Variants in NBAS observed in about 807,000 individuals in gnomAD.
NBAS encodes the protein NAG/BC035112 fusion.
A neutral mutation model predicts 302.5 loss-of-function variants in NBAS; 219 were observed. The observed-to-expected ratio is 0.72, with a 90% CI of 0.65 to 0.81. The LOEUF is 0.81. Ranked by LOEUF, NBAS falls within the 30% of genes least tolerant of loss-of-function variation. NBAS has a pLI of 0.00. For synonymous variants in NBAS, 1,118 were observed against 1,021.6 expected (o/e 1.09, Z -1.80); for missense variants, 2,932 against 2,841.6 (o/e 1.03, Z -0.72).
At chr2:15,434,779 T>G (rs968237334) in intron 21 of NBAS, among the ~76,000 whole-genome samples, 2 of 152,166 alleles carry the variant, frequency 1.3e-5, no homozygotes, top group African/African-American at 4.8e-5. Context: ...ATATTAAATG[T>G]GGTAACACGG....
At chr2:15,237,486 C>T (rs1667645839) in intron 45 of NBAS, among the ~76,000 whole-genome samples, 1 of 151,442 alleles carries the variant, frequency 6.6e-6, no homozygotes, top group Non-Finnish European at 1.5e-5. Context: ...ATACGTTTAA[C>T]AAAAATACAG....
the NBAS span, among the ~76,000 whole-genome samples, chr2:14,972,789 C>T: frequency 6.6e-6 from 1 of 152,234 alleles, no homozygotes; most frequent in South Asian, 2.1e-4. Context: ...GACTATGTTT[C>T]CTGTAATCTA....
intron 45 of NBAS, among the ~76,000 whole-genome samples, chr2:15,236,216 T>A (rs1472817018): frequency 1.3e-5 from 2 of 151,950 alleles, no homozygotes; most frequent in African/African-American, 2.4e-5. Flanking sequence ...AACAAACATG[T>A]TTTTTATCAA....
At chr2:14,849,607 C>A in the NBAS span, among the ~76,000 whole-genome samples, 1 of 145,960 alleles carries the variant, frequency 6.9e-6, no homozygotes, top group East Asian at 1.9e-4. Context: ...TCGAGAAGAG[C>A]AACTCCAAGA....
intron 44 of NBAS, among the ~76,000 whole-genome samples, chr2:15,267,395 A>C (rs1669126583): frequency 6.6e-6 from 1 of 151,660 alleles, no homozygotes; most frequent in Admixed American, 6.6e-5. Flanking sequence ...TATTTTGATC[A>C]AAAAAAAAGT....
At chr2:15,036,782 C>T in the NBAS span, among the ~76,000 whole-genome samples, 1 of 152,106 alleles carries the variant, frequency 6.6e-6, no homozygotes, top group Non-Finnish European at 1.5e-5. Flanking sequence ...ACATTACTCA[C>T]CCCCAGCTTG....
At chr2:15,486,531 C>A (rs1680633977) in intron 12 of NBAS, among the ~76,000 whole-genome samples, 1 of 152,142 alleles carries the variant, frequency 6.6e-6, no homozygotes, top group African/African-American at 2.4e-5. Context: ...TTCTTCCAGA[C>A]TCTCAGGGTA....
At chr2:15,305,510 G>A (rs921158413) in intron 40 of NBAS, among the ~76,000 whole-genome samples, 8 of 148,888 alleles carry the variant, frequency 5.4e-5, no homozygotes, top group Non-Finnish European at 1.0e-4. Flanking sequence ...GGAGTGCAAC[G>A]GCGCGATCTC....
chr2:15,070,879 T>C, the NBAS span, among the ~76,000 whole-genome samples: 1 of 152,196 alleles, frequency 6.6e-6, no homozygotes, highest in Non-Finnish European at 1.5e-5. Flanking sequence ...GAGCCCTTTA[T>C]CTCACAGCAG....
the NBAS span, among the ~76,000 whole-genome samples, chr2:15,138,039 A>T: frequency 6.6e-6 from 1 of 152,140 alleles, no homozygotes; most frequent in Non-Finnish European, 1.5e-5. Context: ...TCCAACACAC[A>T]ATACACGAGA....
At chr2:15,135,236 G>A in the NBAS span, among the ~76,000 whole-genome samples, 1 of 152,200 alleles carries the variant, frequency 6.6e-6, no homozygotes, top group Admixed American at 6.5e-5. Context: ...CTGGGGGGAG[G>A]CTGGGATGAG....
chr2:15,240,505 T>C (rs1667818333), intron 44 of NBAS, among the ~76,000 whole-genome samples: 1 of 150,228 alleles, frequency 6.7e-6, no homozygotes, highest in South Asian at 2.1e-4. Flanking sequence ...TAGTCCCAGC[T>C]ACTCAGGAGG....
chr2:15,049,311 C>A, the NBAS span, among the ~76,000 whole-genome samples: 3,621 of 152,324 alleles, frequency 0.024, 67 homozygotes, highest in Non-Finnish European at 0.035. Context: ...CTGGCTCCTG[C>A]CAGGCCTCCC....
At chr2:14,961,441 G>A in the NBAS span, among the ~76,000 whole-genome samples, 6 of 151,590 alleles carry the variant, frequency 4.0e-5, no homozygotes, top group South Asian at 2.1e-4. Flanking sequence ...TTTTTTTAAA[G>A]CTGGGCCCCC....
At chr2:15,515,865 G>T (rs545506406) in intron 9 of NBAS, among the ~76,000 whole-genome samples, 1 of 152,170 alleles carries the variant, frequency 6.6e-6, no homozygotes, top group African/African-American at 2.4e-5. Context: ...GCTGTGAATT[G>T]AAAGTCCACA....
At chr2:15,448,765 T>G (rs1678870669) in intron 21 of NBAS, among the ~76,000 whole-genome samples, 1 of 152,226 alleles carries the variant, frequency 6.6e-6, no homozygotes, top group Non-Finnish European at 1.5e-5. Context: ...TTTTTCTTCT[T>G]ATAAATGCAA....
At chr2:15,392,913 T>C (rs1175367869) in intron 28 of NBAS, among the ~76,000 whole-genome samples, 1 of 151,936 alleles carries the variant, frequency 6.6e-6, no homozygotes, top group Non-Finnish European at 1.5e-5. Flanking sequence ...GGAAGAAAGA[T>C]AAATAAATGG....
At chr2:14,884,175 T>C in the NBAS span, among the ~76,000 whole-genome samples, 1 of 152,054 alleles carries the variant, frequency 6.6e-6, no homozygotes, top group South Asian at 2.1e-4. Context: ...GCAAGCTTCA[T>C]TTTGAGCGTA....
chr2:15,475,623 A>T, intron 14 of NBAS, 64 bp downstream of exon 14: 1 of 1,447,850 alleles, frequency 6.9e-7, no homozygotes, highest in Non-Finnish European at 9.6e-7. Context: ...TCAAATAAAA[A>T]CCAGATATTT....
Sources: allele counts gnomAD v4.1 joint callset (sites outside exome capture counted in the v4.1 genomes callset), GRCh38; gene constraint gnomAD v4.1.1; transcripts MANE v1.5; gene names NCBI Gene and HGNC (gene_info 2026-07-23, HGNC 2026-07-21).